SNX29: variants seen among roughly 807,000 people sequenced by gnomAD.
The protein encoded by SNX29 is sorting nexin 29.
A neutral mutation model predicts 102.1 loss-of-function variants in SNX29; 78 were observed. The observed-to-expected ratio is 0.76, with a 90% CI of 0.64 to 0.92. The LOEUF is 0.92. Ranked by LOEUF, SNX29 falls within the 40% of genes least tolerant of loss-of-function variation. SNX29 has a pLI of 0.00. For missense variants in SNX29, 1,280 were observed against 1,061.7 expected (o/e 1.21, Z -2.86); for synonymous variants, 580 against 414.5 (o/e 1.40, Z -4.85).
intron 3 of SNX29, among the ~76,000 whole-genome samples, chr16:12,022,715 C>T (rs550747432): frequency 6.6e-6 from 1 of 152,086 alleles, no homozygotes; most frequent in African/African-American, 2.4e-5. Flanking sequence ...CCTGATAATC[C>T]TATTGTAGAG....
intron 9 of SNX29, among the ~76,000 whole-genome samples, chr16:12,063,409 C>G (rs1304490066): frequency 1.3e-5 from 1 of 79,102 alleles, no homozygotes; most frequent in Non-Finnish European, 2.6e-5. Context: ...GAGTCTCACT[C>G]TGTCACCCAG....
At chr16:12,552,130 C>T (rs965135566) in intron 20 of SNX29, among the ~76,000 whole-genome samples, 1 of 152,178 alleles carries the variant, frequency 6.6e-6, no homozygotes, top group African/African-American at 2.4e-5. Flanking sequence ...ACGGAAATGC[C>T]TGAGAGGCCA....
chr16:12,547,210 G>T (rs1049491101), intron 20 of SNX29, among the ~76,000 whole-genome samples: 1 of 152,198 alleles, frequency 6.6e-6, no homozygotes, highest in Non-Finnish European at 1.5e-5. Context: ...ACCCGAAGTG[G>T]AGACCTGAGG....
chr16:12,154,229 C>T (rs2055430386), intron 13 of SNX29, among the ~76,000 whole-genome samples: 1 of 152,116 alleles, frequency 6.6e-6, no homozygotes, highest in Non-Finnish European at 1.5e-5. Flanking sequence ...AATTTGGTAG[C>T]AGGCTTTCTG....
intron 11 of SNX29, among the ~76,000 whole-genome samples, chr16:12,099,218 A>T (rs1385345828): frequency 6.6e-6 from 1 of 152,142 alleles, no homozygotes; most frequent in Non-Finnish European, 1.5e-5. Flanking sequence ...CATTGGCTAA[A>T]ATAAAGTAGG....
At chr16:12,273,261 A>G (rs1048295208) in intron 14 of SNX29, among the ~76,000 whole-genome samples, 1 of 151,666 alleles carries the variant, frequency 6.6e-6, no homozygotes, top group African/African-American at 2.4e-5. Context: ...TTTTCTTAAC[A>G]GCTTTCTTGA....
chr16:12,105,616 C>G (rs1467893271), intron 11 of SNX29, among the ~76,000 whole-genome samples: 1 of 152,052 alleles, frequency 6.6e-6, no homozygotes, highest in East Asian at 1.9e-4. Flanking sequence ...ATGTGATTTT[C>G]TTCTTTTCTA....
At chr16:12,025,375 T>A in intron 3 of SNX29, among the ~76,000 whole-genome samples, 1 of 142,490 alleles carries the variant, frequency 7.0e-6, no homozygotes, top group African/African-American at 2.6e-5. Context: ...TAATTAAGAG[T>A]GATATCTGCC....
In SNX29 at chr16:12,229,773, C is replaced by T. The variant is rs530250789; in HGVS notation, c.1678+30090C>T. Among the ~76,000 whole-genome samples the T allele has an allele frequency of 1.2e-4, 19 of 152,248 alleles. No individual in the cohort carries two copies. The East Asian group carries it at 1.7e-3, about 14-fold the overall frequency. ...AGTCAAAAGGGATGAACTGAGCTGACGCTGAGGTTACCTCTGCAGTCCGAC... is the reference window on the plus strand; with the variant it reads ...AGTCAAAAGGGATGAACTGAGCTGATGCTGAGGTTACCTCTGCAGTCCGAC... On this transcript the variant is annotated intron_variant, in intron 14 of 20. Transcript: ENST00000566228.
At chr16:12,168,122 C>T (rs1242809310) in intron 13 of SNX29, among the ~76,000 whole-genome samples, 4 of 152,200 alleles carry the variant, frequency 2.6e-5, no homozygotes, top group Admixed American at 6.5e-5. Flanking sequence ...GATATACTCA[C>T]TTTAGTACAA....
At chr16:12,262,604 A>G (rs2078809691) in intron 14 of SNX29, among the ~76,000 whole-genome samples, 1 of 152,210 alleles carries the variant, frequency 6.6e-6, no homozygotes, top group Admixed American at 6.5e-5. Context: ...GCGGAGTAAG[A>G]GGTAGCAACA....
intron 20 of SNX29, among the ~76,000 whole-genome samples, chr16:12,567,953 A>AGT (rs1283711041): frequency 1.3e-5 from 2 of 152,202 alleles, no homozygotes; most frequent in African/African-American, 4.8e-5. Context: ...AACCAGGATC[A>AGT]GTGTCCCCCT....
intron 20 of SNX29, among the ~76,000 whole-genome samples, chr16:12,539,100 A>G (rs868013610): frequency 7.9e-5 from 12 of 152,184 alleles, no homozygotes; most frequent in Non-Finnish European, 1.5e-4. Context: ...CCAGAGTCCT[A>G]CTTGCCTTTA....
intron 18 of SNX29, among the ~76,000 whole-genome samples, chr16:12,441,750 T>C (rs1199084143): frequency 6.6e-6 from 1 of 152,236 alleles, no homozygotes; most frequent in South Asian, 2.1e-4. Flanking sequence ...AGTTTTATAG[T>C]TTCAACTCTT....
intron 19 of SNX29, among the ~76,000 whole-genome samples, chr16:12,494,371 G>C (rs551043790): frequency 6.6e-6 from 1 of 152,176 alleles, no homozygotes; most frequent in African/African-American, 2.4e-5. Context: ...CTTGTTTTCT[G>C]GGGGAGCAGT....
At chr16:12,193,270 T>G (rs830713) in intron 13 of SNX29, among the ~76,000 whole-genome samples, 151,837 of 152,174 alleles carry the variant, frequency 1, 75,750 homozygotes, top group Middle Eastern at 1. Context: ...AAGAGTTTGA[T>G]ACCAGCCTGA....
intron 20 of SNX29, among the ~76,000 whole-genome samples, chr16:12,567,763 G>T (rs981483515): frequency 2.0e-5 from 3 of 152,138 alleles, no homozygotes; most frequent in Admixed American, 1.3e-4. Flanking sequence ...ACTGTCTCCA[G>T]AAAATACAAT....
At chr16:12,057,463 G>C (rs972130746) in intron 8 of SNX29, among the ~76,000 whole-genome samples, 13 of 152,178 alleles carry the variant, frequency 8.5e-5, no homozygotes, top group African/African-American at 3.1e-4. Context: ...GCTGGGAGCA[G>C]TTGATAGCCA....
intron 1 of SNX29, among the ~76,000 whole-genome samples, chr16:11,988,765 G>A (rs1010040011): frequency 5.3e-5 from 8 of 152,076 alleles, no homozygotes; most frequent in African/African-American, 1.7e-4. Context: ...GTTTTCTACA[G>A]CAAGAACTGG....
Sources: gnomAD v4.1 joint callset for allele counts (sites outside exome capture counted in the v4.1 genomes callset) on GRCh38, gnomAD v4.1.1 for gene constraint, MANE v1.5 for transcripts, NCBI Gene and HGNC (gene_info 2026-07-23, HGNC 2026-07-21) for gene names.